Variants in PLEKHG3 observed in about 807,000 individuals in gnomAD.
The protein encoded by PLEKHG3 is pleckstrin homology domain-containing family G member 3.
In PLEKHG3, 62 loss-of-function variants were observed where a neutral mutation model predicts 94.9. The observed-to-expected ratio is 0.65, with a 90% CI of 0.53 to 0.81. PLEKHG3 has a LOEUF of 0.81. Among genes scored for constraint, PLEKHG3 ranks in the 30% least tolerant of loss-of-function variants. PLEKHG3 has a pLI of 0.00. For synonymous variants in PLEKHG3, 614 were observed against 654.0 expected, an observed-to-expected ratio of 0.94 and a Z score of 0.93; for missense variants, 1,461 against 1,619.3, an observed-to-expected ratio of 0.90 and a Z score of 1.68.
intron 1 of PLEKHG3, among the ~76,000 whole-genome samples, chr14:64,724,524 G>C (rs1330841612): frequency 1.3e-5 from 2 of 152,124 alleles, no homozygotes; most frequent in East Asian, 3.9e-4. Context: ...GCTTACCCAT[G>C]ACCTGTGATC....
Position 64,731,304 on chromosome 14 carries a change from A to G in PLEKHG3, c.850-57A>G. 1.3e-6 allele frequency: 2 copies of G among 1,516,990 alleles called. No homozygotes were observed. Among genetic ancestry groups the G allele is most frequent in the Non-Finnish European group, 1.8e-6 (2 of 1,097,610 alleles). The allele number at this position is 1,516,990 out of a possible 1,614,324, so 94.0% of individuals were successfully genotyped here. On this transcript the variant is annotated intron_variant, in intron 7 of 16. Coordinates refer to ENST00000247226, the MANE Select transcript of PLEKHG3 (RefSeq NM_001308147.2). The surrounding 1 kb of genome is among the most constrained non-coding windows in gnomAD (Gnocchi z 6.1). ...GGGGAGCCTTTGTGGCAGGGTTTGC[A>G]GAGCCTCCTAAGGCCCCAGTGGCCT... is the stretch of plus-strand genomic sequence containing the variant.
At position 64,728,960 on chromosome 14, in the gene PLEKHG3, C is replaced by T; in HGVS notation, c.352-36C>T. 1.2e-6 allele frequency: 1 copy of T among 838,064 alleles called. No individual in the cohort carries two copies. The highest frequency in any genetic ancestry group is 1.9e-6 in the Non-Finnish European group (1 of 516,030). The allele number at this position is 838,064 out of a possible 1,614,324, so 51.9% of individuals were successfully genotyped here. ...AGGGAAGGTAGTGGGCAGGGTTGTGCCGGGGGCTAGGTTCTGACCACCTCC... is the reference window on the plus strand; with the variant it reads ...AGGGAAGGTAGTGGGCAGGGTTGTGTCGGGGGCTAGGTTCTGACCACCTCC... On this transcript the variant is annotated intron_variant, in intron 2 of 16. Transcript: ENST00000247226. The surrounding 1 kb of genome is among the most constrained non-coding windows in gnomAD (Gnocchi z 5.9).
rs775115579 is a variant in PLEKHG3 at position 64,738,890 on chromosome 14, A to G, written c.1518+35A>G. 28 of 1,347,312 alleles carry G rather than the reference A, an allele frequency of 2.1e-5. No individual in the cohort carries two copies. The highest frequency in any genetic ancestry group is 5.2e-6 in the Non-Finnish European group (5 of 959,554). The allele number at this position is 1,347,312 out of a possible 1,614,324, so 83.5% of individuals were successfully genotyped here. On this transcript the variant is annotated intron_variant, in intron 15 of 16. Transcript: ENST00000247226. This position sits in a 1 kb window ranked among gnomAD's most constrained non-coding sequence, Gnocchi z 4.8. ...CAGCAGGTGGGATGGGGATAGTAGG[A>G]AGAACTTGGAGTCCAGATTTTCAAG...
In PLEKHG3 at chr14:64,716,511, ACACACACACACAC is replaced by A. The variant is rs2081163851; in HGVS notation, c.-39-11081_-39-11069del. ...ACACACACACAACACACACACACAC[ACACACACACACAC>A]ACACACACACACACACACACACACA... is the stretch of plus-strand genomic sequence containing the variant. On this transcript the variant is annotated intron_variant, in intron 1 of 16. Coordinates refer to ENST00000247226, the MANE Select transcript of PLEKHG3 (RefSeq NM_001308147.2). The surrounding 1 kb of genome is among the most constrained non-coding windows in gnomAD (Gnocchi z 5.0). Among the ~76,000 whole-genome samples the A allele has an allele frequency of 2.3e-5, 3 of 132,130 alleles. No individual in the cohort carries two copies. Among genetic ancestry groups the A allele is most frequent in the East Asian group, 4.3e-4 (2 of 4,670 alleles). 86.7% of individuals were successfully genotyped at this position (132,130 alleles called of 152,430 possible).
chr14:64,728,945 G>A lies in PLEKHG3; in HGVS notation c.352-51G>A, dbSNP rs1200202111. ...AAACGAGGTGTGGCTAGGGAAGGTA[G>A]TGGGCAGGGTTGTGCCGGGGGCTAG... is the stretch of plus-strand genomic sequence containing the variant. On this transcript the variant is annotated intron_variant, in intron 2 of 16. Coordinates refer to ENST00000247226, the MANE Select transcript of PLEKHG3 (RefSeq NM_001308147.2). This position sits in a 1 kb window ranked among gnomAD's most constrained non-coding sequence, Gnocchi z 5.9. The A allele has an allele frequency of 1.4e-6, 1 of 705,560 alleles. No homozygotes were observed. 43.7% of individuals were successfully genotyped at this position (705,560 alleles called of 1,614,324 possible).
At position 64,727,506 on chromosome 14, in the gene PLEKHG3, ACC is replaced by A; in HGVS notation, c.-39-86_-39-85del. 1 of 297,222 alleles carries A rather than the reference ACC, an allele frequency of 3.4e-6. No homozygotes were observed. The allele number at this position is 297,222 out of a possible 1,614,324, so 18.4% of individuals were successfully genotyped here. A position where few individuals can be genotyped will look rare whatever the true frequency, so the allele number is the denominator to read the frequency against. On this transcript the variant is annotated intron_variant, in intron 1 of 16. Coordinates refer to ENST00000247226, the MANE Select transcript of PLEKHG3 (RefSeq NM_001308147.2). This position sits in a 1 kb window ranked among gnomAD's most constrained non-coding sequence, Gnocchi z 6.0. ...GCACTAAATAATACCTTCCCACCCC[ACC>A]TGCCCCCACCCCTGGCAACCGTCCC... is the stretch of plus-strand genomic sequence containing the variant.
Position 64,738,797 on chromosome 14 carries a change from G to T in PLEKHG3, c.1460G>T (p.Arg487Leu), listed in dbSNP as rs752142871. 1.2e-6 allele frequency: 2 copies of T among 1,600,702 alleles called. No homozygotes were observed. Among genetic ancestry groups the T allele is most frequent in the Non-Finnish European group, 1.7e-6 (2 of 1,173,384 alleles). ...AGGAGCAGCAGAAGGCCCAGTGGCC[G>T]GTCTCCAACCAGTACTGAGAAGCGC... The part of the protein sequence containing the change: ...SSRSSRRPSG[R>L]SPTSTEKRMS... The change falls in exon 15 of 17, where the codon CGG becomes CTG. Residue 487 changes from arginine to leucine, a missense_variant. This residue lies in a region of PLEKHG3 where 1,201 missense variants were observed against 1,295.5 expected (regional missense o/e 0.93). Coordinates refer to ENST00000247226, the MANE Select transcript of PLEKHG3 (RefSeq NM_001308147.2). The surrounding 1 kb of genome is among the most constrained non-coding windows in gnomAD (Gnocchi z 4.8).
Position 64,750,221 on chromosome 14 carries a change from G to A in PLEKHG3, c.*6518G>A, listed in dbSNP as rs535703867. On this transcript the variant is annotated 3_prime_UTR_variant, in exon 17 of 17. Transcript: ENST00000247226. Reference sequence around the variant, plus strand: ...GGTATCTCTAGAGTCAATTCCTATAGCTTCACCATTAAAAAAAATTACACC... The same window carrying A: ...GGTATCTCTAGAGTCAATTCCTATAACTTCACCATTAAAAAAAATTACACC... 10 of 1,511,166 alleles carry A rather than the reference G, an allele frequency of 6.6e-6. No homozygotes were observed. The East Asian group carries it at 1.6e-4, about 24-fold the overall frequency. The allele number at this position is 1,511,166 out of a possible 1,614,324, so 93.6% of individuals were successfully genotyped here.
rs2139377877 is a variant in PLEKHG3 at position 64,726,535 on chromosome 14, G to GGCC, written c.-39-1057_-39-1055dup. Among the ~76,000 whole-genome samples, 1 of 152,234 alleles carries GGCC rather than the reference G, an allele frequency of 6.6e-6. No homozygotes were observed. The highest frequency in any genetic ancestry group is 1.9e-4 in the East Asian group (1 of 5,188). On this transcript the variant is annotated intron_variant, in intron 1 of 16. Coordinates refer to ENST00000247226, the MANE Select transcript of PLEKHG3 (RefSeq NM_001308147.2). The surrounding 1 kb of genome is among the most constrained non-coding windows in gnomAD (Gnocchi z 5.1). ...CAAAGGCTGCAGCCTGAAGTAGTCT[G>GGCC]GCCACTCCACCCTTCCATCCCCCGG... is the stretch of plus-strand genomic sequence containing the variant.
In PLEKHG3 at chr14:64,743,596, G is replaced by A; in HGVS notation, c.3553G>A (p.Glu1185Lys). The A allele has an allele frequency of 6.2e-7, 1 of 1,612,950 alleles. No homozygotes were observed. Among genetic ancestry groups the A allele is most frequent in the Non-Finnish European group, 8.5e-7 (1 of 1,179,988 alleles). ...GQVQDFQQSA[E>K]CQPKEEGSRD... ...GGTTCAGGACTTCCAGCAGTCTGCA[G>A]AGTGCCAGCCGAAGGAAGAGGGTTC... The change falls in exon 17 of 17, where the codon GAG (glutamate) becomes AAG (lysine). Residue 1185 changes from glutamate (E) to lysine (K), a missense_variant. Transcript: ENST00000247226. The surrounding 1 kb of genome is among the most constrained non-coding windows in gnomAD (Gnocchi z 7.2).
In PLEKHG3 at chr14:64,717,533, C is replaced by T. The variant is rs140095726; in HGVS notation, c.-39-10060C>T. Among the ~76,000 whole-genome samples the T allele has an allele frequency of 1.3e-5, 2 of 152,314 alleles. No individual in the cohort carries two copies. Among genetic ancestry groups the T allele is most frequent in the African/African-American group, 4.8e-5 (2 of 41,574 alleles). ...TGAGAGCTGCTGGCCTGAAATTCCT[C>T]TGAGAGATTTCTTCCATTTAAGAAC... is the stretch of plus-strand genomic sequence containing the variant. On this transcript the variant is annotated intron_variant, in intron 1 of 16. Transcript: ENST00000247226. This position sits in a 1 kb window ranked among gnomAD's most constrained non-coding sequence, Gnocchi z 4.7.
chr14:64,734,392 G>A (rs553751164), intron 12 of PLEKHG3, among the ~76,000 whole-genome samples: 5 of 152,246 alleles, frequency 3.3e-5, no homozygotes, highest in African/African-American at 9.6e-5. Context: ...AAGTGATAAC[G>A]TTGGTGGTAG....
chr14:64,719,802 G>A lies in PLEKHG3; in HGVS notation c.-39-7791G>A, dbSNP rs566824816. 7.2e-5 allele frequency among the ~76,000 whole-genome samples: 11 copies of A among 152,250 alleles called. No individual in the cohort carries two copies. In the South Asian group the frequency reaches 2.3e-3, roughly 32 times the overall value. The stretch of plus-strand genomic sequence containing the variant: ...TCAAAACAAGCAGCCCCTGAAATGG[G>A]GATGAGGCCGGAAAGATGGCGAATT... On this transcript the variant is annotated intron_variant, in intron 1 of 16. Coordinates refer to ENST00000247226, the MANE Select transcript of PLEKHG3 (RefSeq NM_001308147.2).
rs990198973 is a variant in PLEKHG3, at chr14:64,728,388, G to A, written c.351+406G>A. Reference sequence around the variant, plus strand: ...ACCTACCTTGTAGGTGAAGGGCACGGAAGGGCAGCTGTGTGGCTGCCACTG... The same window carrying A: ...ACCTACCTTGTAGGTGAAGGGCACGAAAGGGCAGCTGTGTGGCTGCCACTG... On this transcript the variant is annotated intron_variant, in intron 2 of 16. Coordinates refer to ENST00000247226, the MANE Select transcript of PLEKHG3 (RefSeq NM_001308147.2). This position sits in a 1 kb window ranked among gnomAD's most constrained non-coding sequence, Gnocchi z 5.9. Among the ~76,000 whole-genome samples the A allele has an allele frequency of 6.6e-6, 1 of 152,246 alleles. No homozygotes were observed. Among genetic ancestry groups the A allele is most frequent in the African/African-American group, 2.4e-5 (1 of 41,470 alleles).
rs1360830438 is a variant in PLEKHG3, at chr14:64,750,151, G to A, written c.*6448G>A. On this transcript the variant is annotated 3_prime_UTR_variant, in exon 17 of 17. Transcript: ENST00000247226. ...TGAGCACACAGTACAGGTTGTTCCA[G>A]GACCTGCAAAGATGCAGACAGGCAG... 1 of 1,610,674 alleles carries A rather than the reference G, an allele frequency of 6.2e-7. No homozygotes were observed. The highest frequency in any genetic ancestry group is 2.2e-5 in the East Asian group (1 of 44,772).
intron 1 of PLEKHG3, among the ~76,000 whole-genome samples, chr14:64,719,092 C>G (rs2081218925): frequency 6.6e-6 from 1 of 152,140 alleles, no homozygotes; most frequent in Non-Finnish European, 1.5e-5. Flanking sequence ...TGTCAGACTA[C>G]TTTTCCTTTC....
rs2081898040 is a variant in PLEKHG3, at chr14:64,749,093, G to A, written c.*5390G>A. The A allele has an allele frequency of 2.0e-6, 1 of 506,550 alleles. No individual in the cohort carries two copies. The highest frequency in any genetic ancestry group is 3.4e-6 in the Non-Finnish European group (1 of 292,824). 31.4% of individuals were successfully genotyped at this position (506,550 alleles called of 1,614,324 possible). A position where few individuals can be genotyped will look rare whatever the true frequency, so the allele number is the denominator to read the frequency against. On this transcript the variant is annotated 3_prime_UTR_variant, in exon 17 of 17. Transcript: ENST00000247226. The surrounding 1 kb of genome is among the most constrained non-coding windows in gnomAD (Gnocchi z 4.7). ...GAGGAGCTGGGAGCCCCTGTCCCTG[G>A]AGCGGAGCCAGCGCGGGCGAGGGCA...
chr14:64,729,205 G>C (rs927662039), intron 3 of PLEKHG3, 112 bp downstream of exon 3: 5 of 569,604 alleles, frequency 8.8e-6, no homozygotes, highest in Non-Finnish European at 1.6e-5. Flanking sequence ...TGTGGGCCTG[G>C]GGCCTGATCT....
At chr14:64,742,512 A>G in intron 16 of PLEKHG3, 57 bp downstream of exon 16, 1 of 1,327,406 alleles carries the variant, frequency 7.5e-7, no homozygotes, top group Non-Finnish European at 1.0e-6. Context: ...AAGAGTCAAT[A>G]AGGAGCCACT....
Sources: gnomAD v4.1 joint callset for allele counts (sites outside exome capture counted in the v4.1 genomes callset) on GRCh38, gnomAD v4.1.1 for gene constraint, gnomAD v4.1.1 regional missense constraint, Gnocchi (gnomAD v3.1) non-coding constraint, MANE v1.5 for transcripts, NCBI Gene and HGNC (gene_info 2026-07-23, HGNC 2026-07-21) for gene names.